EXPH5: variants seen among roughly 807,000 people sequenced by gnomAD.
The protein encoded by EXPH5 is exophilin-5.
In EXPH5, 42 loss-of-function variants were observed where a neutral mutation model predicts 41.1. The ratio of observed to expected loss-of-function variants is 1.02; its 90% confidence interval spans 0.80 to 1.32. The LOEUF is 1.32. EXPH5 is among the 40% of genes most tolerant of loss of function. The probability of loss-of-function intolerance (pLI) is 0.00; values close to 1 mark genes in which losing one functional copy is unlikely to be tolerated. For missense variants in EXPH5, 2,298 were observed against 2,314.5 expected (o/e 0.99, Z 0.15); for synonymous variants, 798 against 833.5 (o/e 0.96, Z 0.73).
rs771487386 is a variant in EXPH5 at position 108,518,356 on chromosome 11, A to G, written c.510T>C (p.Asn170=). 2 of 1,613,714 alleles carry G rather than the reference A, an allele frequency of 1.2e-6. No individual in the cohort carries two copies. The highest frequency in any genetic ancestry group is 1.7e-6 in the Non-Finnish European group (2 of 1,179,922). Residue 170 remains asparagine, a synonymous_variant, in exon 5 of 6, where the codon AAT becomes AAC. Coordinates refer to ENST00000265843, the MANE Select transcript of EXPH5 (RefSeq NM_015065.3). ...RGAAVQAKIY[N]SPLENHLVDS... ...CAACTAGATGATTTTCCAGAGGTGA[A>G]TTGTATATTTTTGCCTGCTAATTTT...
chr11:108,540,743 T>TA lies in EXPH5; in HGVS notation c.280+908dup, dbSNP rs2093908199. Among the ~76,000 whole-genome samples, 4 of 152,146 alleles carry TA rather than the reference T, an allele frequency of 2.6e-5. No individual in the cohort carries two copies. In the South Asian group the frequency reaches 8.3e-4, roughly 32 times the overall value. On this transcript the variant is annotated intron_variant, in intron 2 of 5. Coordinates refer to ENST00000265843, the MANE Select transcript of EXPH5 (RefSeq NM_015065.3). ...TTTATTAGAAGTCATTCATGGAGTT[T>TA]ACCAAAGTTCCAGAAGTGTGGCAGC...
intron 1 of EXPH5, among the ~76,000 whole-genome samples, chr11:108,564,824 TTTTC>T (rs1404770371): frequency 6.6e-6 from 1 of 151,746 alleles, no homozygotes; most frequent in Non-Finnish European, 1.5e-5. Flanking sequence ...CCAAAAAAAG[TTTTC>T]TTTTTTTTTC....
rs771257746 is a variant in EXPH5, at chr11:108,511,178, A to C, written c.4329T>G (p.Ser1443Arg). 6.2e-7 allele frequency: 1 copy of C among 1,612,988 alleles called. No homozygotes were observed. Among genetic ancestry groups the C allele is most frequent in the Non-Finnish European group, 8.5e-7 (1 of 1,179,732 alleles). Residue 1443 changes from serine (S) to arginine (R), a missense_variant, in exon 6 of 6, where the codon AGT (serine) becomes AGG (arginine). Transcript: ENST00000265843. ...TACCACTCCCTGTACACTCCCAAGA[A>C]CTTCTTCTAGTTTGGGAATTTCCAA... ...VNIGNSQTRR[S>R]SWECTGSGRA...
At chr11:108,598,024 C>T (rs2094141122), upstream of EXPH5, among the ~76,000 whole-genome samples, 1 of 152,066 alleles carries the variant, frequency 6.6e-6, no homozygotes, top group Admixed American at 6.6e-5. Context: ...AATAAATAAA[C>T]AAATCAACAT....
At chr11:108,535,946 AT>A (rs2093876786) in intron 3 of EXPH5, among the ~76,000 whole-genome samples, 1 of 152,192 alleles carries the variant, frequency 6.6e-6, no homozygotes, top group African/African-American at 2.4e-5. Flanking sequence ...TGTGGAAGGC[AT>A]TTGTGAGATT....
intron 1 of EXPH5, among the ~76,000 whole-genome samples, chr11:108,555,212 T>C (rs1053535773): frequency 2.0e-5 from 3 of 152,356 alleles, no homozygotes; most frequent in African/African-American, 7.2e-5. Context: ...TGCCATGGTT[T>C]AGGCCACATA....
Position 108,512,303 on chromosome 11 carries a change from G to A in EXPH5, c.3204C>T (p.Asn1068=), listed in dbSNP as rs1357390126. 8 of 1,613,574 alleles carry A rather than the reference G, an allele frequency of 5.0e-6. No homozygotes were observed. In the African/African-American group the frequency reaches 9.3e-5, roughly 19 times the overall value. The change falls in exon 6 of 6, where the codon AAC becomes AAT. Residue 1068 remains asparagine (N), a synonymous_variant. Transcript: ENST00000265843. The part of the protein sequence containing the change: ...VEDAMGNYML[N]KFSPSSPESA... ...ACTCAGGAGAACTGGGACTAAATTTGTTTAACATATAGTTCCCCATTGCAT... is the reference window on the plus strand; with the variant it reads ...ACTCAGGAGAACTGGGACTAAATTTATTTAACATATAGTTCCCCATTGCAT...
chr11:108,510,677 T>C lies in EXPH5; in HGVS notation c.4830A>G (p.Val1610=), dbSNP rs749495658. The change falls in exon 6 of 6, where the codon GTA becomes GTG. Residue 1610 remains valine, a synonymous_variant. Transcript: ENST00000265843. Reference sequence around the variant, plus strand: ...TAGTAGCTACATGTCTTCTGGGGCTTACATCTTTAGCTGGGAATTTTCTGC... The same window carrying C: ...TAGTAGCTACATGTCTTCTGGGGCTCACATCTTTAGCTGGGAATTTTCTGC... ...KASRKFPAKD[V]SPRRHVATIF... is the part of the protein sequence containing the mutation. 1 of 1,614,214 alleles carries C rather than the reference T, an allele frequency of 6.2e-7. No homozygotes were observed. Among genetic ancestry groups the C allele is most frequent in the Non-Finnish European group, 8.5e-7 (1 of 1,180,026 alleles).
chr11:108,535,300 G>A (rs1385998072), intron 3 of EXPH5, among the ~76,000 whole-genome samples: 1 of 152,198 alleles, frequency 6.6e-6, no homozygotes, highest in Non-Finnish European at 1.5e-5. Context: ...GGTCAGACCA[G>A]CTGGGAACCA....
At chr11:108,559,123 T>G (rs1301939986) in intron 1 of EXPH5, among the ~76,000 whole-genome samples, 1 of 152,202 alleles carries the variant, frequency 6.6e-6, no homozygotes, top group Non-Finnish European at 1.5e-5. Flanking sequence ...CTCTTGAGTC[T>G]CTGTACTTTT....
At chr11:108,588,719 T>A (rs1413985414) in intron 1 of EXPH5, among the ~76,000 whole-genome samples, 1 of 152,186 alleles carries the variant, frequency 6.6e-6, no homozygotes, top group African/African-American at 2.4e-5. Flanking sequence ...ATTTGCTTTA[T>A]CAGGTTGAGG....
intron 1 of EXPH5, among the ~76,000 whole-genome samples, chr11:108,591,584 G>A (rs2094127660): frequency 6.6e-6 from 1 of 152,200 alleles, no homozygotes; most frequent in South Asian, 2.1e-4. Context: ...TTAATAATTA[G>A]TATAATACAG....
At chr11:108,539,280 T>C in intron 2 of EXPH5, 94 bp from the exon 3 acceptor site, 1 of 944,928 alleles carries the variant, frequency 1.1e-6, no homozygotes, top group Non-Finnish European at 1.6e-6. Context: ...ACTTTCTCCC[T>C]CTTATGCAGA....
At chr11:108,539,648 C>A (rs2852184) in intron 2 of EXPH5, among the ~76,000 whole-genome samples, 150,106 of 152,330 alleles carry the variant, frequency 0.99, 73,996 homozygotes, top group East Asian at 1. Flanking sequence ...TCCAAAATCT[C>A]TCTCTGTGGA....
chr11:108,585,069 C>A (rs2094109394), intron 1 of EXPH5, among the ~76,000 whole-genome samples: 1 of 152,044 alleles, frequency 6.6e-6, no homozygotes, highest in African/African-American at 2.4e-5. Context: ...AAACAAATAA[C>A]CCAACTAAAA....
chr11:108,538,901 T>C (rs1243715131), intron 3 of EXPH5, 123 bp downstream of exon 3: 2 of 894,954 alleles, frequency 2.2e-6, no homozygotes, highest in Non-Finnish European at 3.3e-6. Context: ...ATTTCCTTTG[T>C]TCTTAATACC....
chr11:108,561,050 C>A (rs1233117668), intron 1 of EXPH5, among the ~76,000 whole-genome samples: 1 of 152,128 alleles, frequency 6.6e-6, no homozygotes, highest in African/African-American at 2.4e-5. Context: ...CATTGGAGGA[C>A]ATTATGCATT....
intron 4 of EXPH5, among the ~76,000 whole-genome samples, chr11:108,520,529 C>G (rs2093758398): frequency 6.6e-6 from 1 of 151,774 alleles, no homozygotes; most frequent in South Asian, 2.1e-4. Context: ...TGATATAGAA[C>G]TAAATTTGTT....
intron 1 of EXPH5, among the ~76,000 whole-genome samples, chr11:108,562,844 C>T (rs2094018988): frequency 6.6e-6 from 1 of 150,922 alleles, no homozygotes; most frequent in South Asian, 2.1e-4. Flanking sequence ...AGAAATCACT[C>T]ATAACTCCCA....
Sources: allele counts gnomAD v4.1 joint callset (sites outside exome capture counted in the v4.1 genomes callset), GRCh38; gene constraint gnomAD v4.1.1; transcripts MANE v1.5; gene names NCBI Gene and HGNC (gene_info 2026-07-23, HGNC 2026-07-21).